The following SLC12A6 variants were observed in gnomAD, a reference collection of about 807,000 sequenced individuals.
SLC12A6 encodes the protein K-Cl cotransporter 3.
In SLC12A6, 66 loss-of-function variants were observed where a neutral mutation model predicts 135.3. The observed-to-expected ratio is 0.49, with a 90% CI of 0.40 to 0.60. SLC12A6 has a LOEUF of 0.60. Among genes scored for constraint, SLC12A6 ranks in the 20% least tolerant of loss-of-function variants. The pLI, the probability that SLC12A6 is intolerant of heterozygous loss-of-function variation, is 0.00. For missense variants in SLC12A6, 1,058 were observed against 1,452.3 expected, an observed-to-expected ratio of 0.73 and a Z score of 4.41; for synonymous variants, 513 against 508.8, an observed-to-expected ratio of 1.01 and a Z score of -0.11.
intron 2 of SLC12A6, among the ~76,000 whole-genome samples, chr15:34,287,705 G>C (rs1002352293): frequency 6.6e-6 from 1 of 152,164 alleles, no homozygotes; most frequent in Admixed American, 6.5e-5. Flanking sequence ...CTGTGGTCTT[G>C]ATTTGCATTT....
chr15:34,320,195 T>C (rs948702314), intron 2 of SLC12A6, among the ~76,000 whole-genome samples: 1 of 152,228 alleles, frequency 6.6e-6, no homozygotes, highest in African/African-American at 2.4e-5. Context: ...TTCAGTTATA[T>C]ACCACTTCTT....
intron 4 of SLC12A6, among the ~76,000 whole-genome samples, chr15:34,260,041 T>C (rs1893005210): frequency 6.6e-6 from 1 of 152,176 alleles, no homozygotes; most frequent in African/African-American, 2.4e-5. Context: ...ATAGTTAACA[T>C]ATTGTATATT....
At chr15:34,234,635 G>A (rs1891133986) in intron 25 of SLC12A6, among the ~76,000 whole-genome samples, 1 of 152,100 alleles carries the variant, frequency 6.6e-6, no homozygotes, top group African/African-American at 2.4e-5. Context: ...GCCTCCCAAA[G>A]TGCTGGGATT....
intron 13 of SLC12A6, among the ~76,000 whole-genome samples, chr15:34,248,608 AC>A (rs1166657195): frequency 6.6e-6 from 1 of 151,900 alleles, no homozygotes; most frequent in Non-Finnish European, 1.5e-5. Flanking sequence ...TGTGTTATAT[AC>A]ATATATATAT....
chr15:34,332,556 G>A (rs1293220363), intron 2 of SLC12A6, among the ~76,000 whole-genome samples: 1 of 152,196 alleles, frequency 6.6e-6, no homozygotes, highest in African/African-American at 2.4e-5. Context: ...GGCCGAGGCA[G>A]GAGGATCATT....
intron 2 of SLC12A6, among the ~76,000 whole-genome samples, chr15:34,283,364 T>C (rs904526822): frequency 2.4e-5 from 3 of 127,644 alleles, no homozygotes; most frequent in African/African-American, 4.2e-5. Flanking sequence ...AAAATAAAAA[T>C]AGAAAAGATA....
At chr15:34,252,501 G>A (rs1595435137) in intron 9 of SLC12A6, 117 bp from the exon 10 acceptor site, 17 of 675,050 alleles carry the variant, frequency 2.5e-5, no homozygotes, top group South Asian at 2.0e-4. Flanking sequence ...CTACTGTTAT[G>A]GGTGGGAAAG....
At chr15:34,239,192 T>G (rs1389122252) in intron 19 of SLC12A6, 32 bp from the exon 20 acceptor site, 1 of 1,460,606 alleles carries the variant, frequency 6.8e-7, no homozygotes, top group Non-Finnish European at 9.6e-7. Context: ...AACACTGAAC[T>G]GGTTCACTCT....
rs1399993302 is a variant in SLC12A6 at position 34,238,306 on chromosome 15, T to C, written c.2728A>G (p.Asn910Asp). Residue 910 changes from asparagine to aspartate, a missense_variant, in exon 21 of 26, where the codon AAC becomes GAC. Transcript: ENST00000354181. The stretch of plus-strand genomic sequence containing the variant: ...TGCACAATCCACCACACATCAATGT[T>C]GCCCTCAGAAAATTGCTCCACATTG... The part of the protein sequence containing the change: ...PSNVEQFSEG[N>D]IDVWWIVHDG... 6.2e-7 allele frequency: 1 copy of C among 1,613,690 alleles called. No individual in the cohort carries two copies. Among genetic ancestry groups the C allele is most frequent in the Admixed American group, 1.7e-5 (1 of 60,024 alleles).
chr15:34,308,021 C>G (rs778473074), intron 2 of SLC12A6, among the ~76,000 whole-genome samples: 1 of 152,050 alleles, frequency 6.6e-6, no homozygotes, highest in Non-Finnish European at 1.5e-5. Context: ...TATATTCTAC[C>G]TATATTAGTA....
chr15:34,298,005 A>G (rs1895988517), intron 2 of SLC12A6, among the ~76,000 whole-genome samples: 1 of 152,198 alleles, frequency 6.6e-6, no homozygotes, highest in African/African-American at 2.4e-5. Context: ...GGACAGCAGT[A>G]GTAGTTATTA....
chr15:34,318,560 C>T, intron 2 of SLC12A6: 1 of 1,613,040 alleles, frequency 6.2e-7, no homozygotes, highest in African/African-American at 1.3e-5. Context: ...TGCGTACTCA[C>T]CTGGTTCATC....
intron 2 of SLC12A6, among the ~76,000 whole-genome samples, chr15:34,323,849 G>A (rs1212369829): frequency 6.6e-6 from 1 of 151,910 alleles, no homozygotes; most frequent in African/African-American, 2.4e-5. Context: ...GCTGAGGCAG[G>A]AGGATTGCTT....
At chr15:34,252,474 C>T (rs1416022694) in intron 9 of SLC12A6, 90 bp from the exon 10 acceptor site, 2 of 771,502 alleles carry the variant, frequency 2.6e-6, no homozygotes, top group Non-Finnish European at 4.5e-6. Context: ...AAACAAGAAC[C>T]CCATCTTTAA....
intron 2 of SLC12A6, among the ~76,000 whole-genome samples, chr15:34,326,666 T>C (rs1889477149): frequency 6.6e-6 from 1 of 150,490 alleles, no homozygotes; most frequent in Non-Finnish European, 1.5e-5. Flanking sequence ...GAATCTAAGT[T>C]ATTCAGAGAA....
At chr15:34,332,229 T>C (rs1412301095) in intron 2 of SLC12A6, among the ~76,000 whole-genome samples, 2 of 152,240 alleles carry the variant, frequency 1.3e-5, no homozygotes, top group African/African-American at 4.8e-5. Flanking sequence ...TAGAACAGAT[T>C]AACGGATGCT....
chr15:34,286,137 G>A (rs558180045), intron 2 of SLC12A6, among the ~76,000 whole-genome samples: 1 of 151,648 alleles, frequency 6.6e-6, no homozygotes, highest in South Asian at 2.1e-4. Context: ...GTGGTAGCAC[G>A]ATCTAAGTTC....
chr15:34,310,300 AGTGTGT>A (rs58503652), intron 2 of SLC12A6, among the ~76,000 whole-genome samples: 91 of 43,738 alleles, frequency 2.1e-3, no homozygotes, highest in Middle Eastern at 0.04. Flanking sequence ...CCTGGGCTCA[AGTGTGT>A]GTGTGTGTGT....
In SLC12A6 at chr15:34,239,042, T is replaced by G; in HGVS notation, c.2555A>C (p.Lys852Thr). 2.5e-6 allele frequency: 4 copies of G among 1,614,198 alleles called. No homozygotes were observed. Among genetic ancestry groups the G allele is most frequent in the Non-Finnish European group, 3.4e-6 (4 of 1,180,024 alleles). ...CCAGCCCATCACCACCGTGTTGTGCTTCATGCCCCCAAGGCCACATGACTG... is the reference window on the plus strand; with the variant it reads ...CCAGCCCATCACCACCGTGTTGTGCGTCATGCCCCCAAGGCCACATGACTG... ...LIQSCGLGGM[K>T]HNTVVMGWPN... is the part of the protein sequence containing the mutation. Residue 852 changes from lysine (K) to threonine (T), a missense_variant, in exon 20 of 26, where the codon AAG (lysine) becomes ACG (threonine). Physicochemically the swap from Lys to Thr is moderately conservative, Grantham distance 78. This residue lies in a region of SLC12A6 where 245 missense variants were observed against 440.8 expected (regional missense o/e 0.56). Coordinates refer to ENST00000354181, the MANE Select transcript of SLC12A6 (RefSeq NM_001365088.1).
Sources: allele counts gnomAD v4.1 joint callset (sites outside exome capture counted in the v4.1 genomes callset), GRCh38; gene constraint gnomAD v4.1.1; regional missense constraint gnomAD v4.1.1; transcripts MANE v1.5; gene names NCBI Gene and HGNC (gene_info 2026-07-23, HGNC 2026-07-21).